The following KRIT1 variants were observed in gnomAD, a reference collection of about 807,000 sequenced individuals.
KRIT1 encodes the protein KRIT1 ankyrin repeat containing.
A neutral mutation model predicts 95.8 loss-of-function variants in KRIT1; 45 were observed. The observed-to-expected ratio is 0.47, with a 90% CI of 0.37 to 0.60. The LOEUF is 0.60. KRIT1 is among the 20% of genes least tolerant of loss of function. KRIT1 has a pLI of 0.00. For synonymous variants in KRIT1, 282 were observed against 278.8 expected (o/e 1.01, Z -0.11); for missense variants, 788 against 877.5 (o/e 0.90, Z 1.29).
At position 92,200,002 on chromosome 7, in the gene KRIT1, AGT is replaced by A. The variant is rs1430864187; in HGVS notation, c.*732_*733del. 2 of 152,538 alleles carry A rather than the reference AGT, an allele frequency of 1.3e-5. No individual in the cohort carries two copies. Among genetic ancestry groups the A allele is most frequent in the African/African-American group, 4.8e-5 (2 of 41,346 alleles). The allele number at this position is 152,538 out of a possible 1,614,324, so 9.4% of individuals were successfully genotyped here. ...ACTGCAGAAAACTGTTTTAAATAAC[AGT>A]GTTATGTGGTTCAAGTAGAAAATAC... On this transcript the variant is annotated 3_prime_UTR_variant, in exon 19 of 19. Transcript: ENST00000394505.
Position 92,237,582 on chromosome 7 carries a change from T to C in KRIT1, c.355+85A>G, listed in dbSNP as rs1192000514. 2.6e-5 allele frequency: 18 copies of C among 689,656 alleles called. No homozygotes were observed. The Admixed American group carries it at 4.1e-4, about 16-fold the overall frequency. 42.7% of individuals were successfully genotyped at this position (689,656 alleles called of 1,614,324 possible). Reference sequence around the variant, plus strand: ...TTTTATAATATTATAGTAGTAACTATGAATGCAAATTCTTAACTTCCTCAA... The same window carrying C: ...TTTTATAATATTATAGTAGTAACTACGAATGCAAATTCTTAACTTCCTCAA... On this transcript the variant is annotated intron_variant, in intron 6 of 18. Transcript: ENST00000394505.
Position 92,222,928 on chromosome 7 carries a change from T to C in KRIT1, c.1305A>G (p.Glu435=). 6.2e-7 allele frequency: 1 copy of C among 1,609,050 alleles called. No individual in the cohort carries two copies. Among genetic ancestry groups the C allele is most frequent in the Non-Finnish European group, 8.5e-7 (1 of 1,175,540 alleles). Residue 435 remains glutamate (E), a synonymous_variant, in exon 13 of 19, where the codon GAA becomes GAG. Transcript: ENST00000394505. ...CTGTGGTATTATTTCCATGCTTCAA[T>C]TCAACAGAACGATATGACCCATCCA... ...YRMDGSYRSV[E]LKHGNNTTVQ...
intron 10 of KRIT1, among the ~76,000 whole-genome samples, chr7:92,233,409 C>CTTT (rs35291071): frequency 1.4e-5 from 2 of 140,180 alleles, no homozygotes; most frequent in Non-Finnish European, 1.5e-5. Context: ...TAATGTGGTA[C>CTTT]TTTTTTTTTT....
Position 92,241,028 on chromosome 7 carries a change from G to C in KRIT1, c.227C>G (p.Thr76Ser). Reference sequence around the variant, plus strand: ...CTGGTTTGCAGGAGAAATTGGTTTGGTGGTTTCTACTACGTAATCCAATAT... The same window carrying C: ...CTGGTTTGCAGGAGAAATTGGTTTGCTGGTTTCTACTACGTAATCCAATAT... ...QGILDYVVET[T>S]KPISPANQGI... is the part of the protein sequence containing the mutation. Residue 76 changes from threonine to serine, a missense_variant, in exon 5 of 19, where the codon ACC becomes AGC. By Grantham distance (58) the Thr-to-Ser change is moderately conservative. Transcript: ENST00000394505. The C allele has an allele frequency of 6.2e-7, 1 of 1,612,962 alleles. No individual in the cohort carries two copies. The highest frequency in any genetic ancestry group is 8.5e-7 in the Non-Finnish European group (1 of 1,179,010).
At chr7:92,211,350 A>G (rs1792777812) in intron 17 of KRIT1, among the ~76,000 whole-genome samples, 1 of 152,350 alleles carries the variant, frequency 6.6e-6, no homozygotes, top group African/African-American at 2.4e-5. Flanking sequence ...ATAAAAAAGA[A>G]TGAAATCTTG....
chr7:92,214,792 T>C lies in KRIT1; in HGVS notation c.1564-15A>G, dbSNP rs1793614897. ...GGGTCTTCAATCTTAAAGGAAAAAG[T>C]ATAATTTGGTTATTAGGCTACAATT... On this transcript the variant is annotated splice_polypyrimidine_tract_variant and intron_variant, in intron 14 of 18. Transcript: ENST00000394505. 1.3e-6 allele frequency: 2 copies of C among 1,550,144 alleles called. No individual in the cohort carries two copies. The highest frequency in any genetic ancestry group is 1.7e-5 in the Admixed American group (1 of 59,802).
At chr7:92,212,975 CTT>C (rs758755971) in intron 17 of KRIT1, among the ~76,000 whole-genome samples, 3 of 152,130 alleles carry the variant, frequency 2.0e-5, no homozygotes, top group African/African-American at 2.4e-5. Flanking sequence ...CAAAAATACT[CTT>C]TATTCTTTTT....
At chr7:92,208,094 G>A (rs1791962033) in intron 17 of KRIT1, among the ~76,000 whole-genome samples, 1 of 151,976 alleles carries the variant, frequency 6.6e-6, no homozygotes, top group Non-Finnish European at 1.5e-5. Context: ...TAAACAACAT[G>A]CTCCTGAATG....
At chr7:92,208,180 A>G (rs1489134600) in intron 17 of KRIT1, among the ~76,000 whole-genome samples, 1 of 152,132 alleles carries the variant, frequency 6.6e-6, no homozygotes, top group Non-Finnish European at 1.5e-5. Flanking sequence ...AACACCATAT[A>G]CCAAAACCTA....
intron 17 of KRIT1, among the ~76,000 whole-genome samples, chr7:92,204,962 T>C (rs1191784473): frequency 3.3e-5 from 5 of 152,212 alleles, no homozygotes; most frequent in Admixed American, 3.3e-4. Flanking sequence ...AAAGTAACTG[T>C]TGCCCTTAAA....
intron 17 of KRIT1, among the ~76,000 whole-genome samples, chr7:92,205,060 T>C (rs952094660): frequency 6.6e-6 from 1 of 152,046 alleles, no homozygotes; most frequent in African/African-American, 2.4e-5. Context: ...TCAAGACACA[T>C]AAAGGGGCGA....
intron 3 of KRIT1, among the ~76,000 whole-genome samples, chr7:92,243,167 CGT>C (rs1010767754): frequency 2.0e-4 from 30 of 152,010 alleles, no homozygotes; most frequent in East Asian, 9.7e-4. Context: ...TGTGTGTGTG[CGT>C]GTGTGTTATG....
rs771656368 is a variant in KRIT1, at chr7:92,241,059, G to A, written c.196C>T (p.Gln66Ter). The A allele has an allele frequency of 6.2e-7, 1 of 1,611,290 alleles. No homozygotes were observed. The highest frequency in any genetic ancestry group is 1.1e-5 in the South Asian group (1 of 91,026). Residue 66 changes from glutamine (Q) to a stop codon, truncating the protein, a stop_gained, in exon 5 of 19, where the codon CAA becomes TAA. Coordinates refer to ENST00000394505, the MANE Select transcript of KRIT1 (RefSeq NM_194454.3). LOFTEE classifies it high-confidence loss of function. Reference sequence around the variant, plus strand: ...TCTACTACGTAATCCAATATGCCTTGTGTTATTTCACTGTTGCCTTGAAGT... The same window carrying A: ...TCTACTACGTAATCCAATATGCCTTATGTTATTTCACTGTTGCCTTGAAGT... Reference protein sequence around the residue: ...TKLQGNSEITQGILDYVVETT... With the variant: ...TKLQGNSEIT
In KRIT1 at chr7:92,234,559, G is replaced by A. The variant is rs750247461; in HGVS notation, c.879C>T (p.His293=). ...ERQWVDDFPL[H]RSACEGDSEL... is the part of the protein sequence containing the mutation. ...CTGAATCTCCTTCACAGGCGCTTCGGTGGAGAGGAAAATCATCTACCCACT... is the reference window on the plus strand; with the variant it reads ...CTGAATCTCCTTCACAGGCGCTTCGATGGAGAGGAAAATCATCTACCCACT... Residue 293 remains histidine, a synonymous_variant, in exon 10 of 19, where the codon CAC becomes CAT. Coordinates refer to ENST00000394505, the MANE Select transcript of KRIT1 (RefSeq NM_194454.3). 6.2e-7 allele frequency: 1 copy of A among 1,613,366 alleles called. No homozygotes were observed. Among genetic ancestry groups the A allele is most frequent in the South Asian group, 1.1e-5 (1 of 91,056 alleles).
At chr7:92,205,363 A>C (rs1330156643) in intron 17 of KRIT1, among the ~76,000 whole-genome samples, 1 of 151,992 alleles carries the variant, frequency 6.6e-6, no homozygotes, top group African/African-American at 2.4e-5. Context: ...ACAACAACAA[A>C]AAAGACACAT....
rs75406109 is a variant in KRIT1, at chr7:92,227,106, C to G, written c.990-424G>C. On this transcript the variant is annotated intron_variant, in intron 10 of 18. Coordinates refer to ENST00000394505, the MANE Select transcript of KRIT1 (RefSeq NM_194454.3). The stretch of plus-strand genomic sequence containing the variant: ...ACAAAATAGGCCCAAAGATGTAATT[C>G]TATACACAGTTGCTATATTAGACAA... 6.2e-3 allele frequency among the ~76,000 whole-genome samples: 939 copies of G among 152,272 alleles called. 36 individuals carry two copies. Among genetic ancestry groups the G allele is most frequent in the Admixed American group, 0.047 (724 of 15,290 alleles).
At chr7:92,201,757 A>G (rs1396630260) in intron 17 of KRIT1, among the ~76,000 whole-genome samples, 1 of 151,536 alleles carries the variant, frequency 6.6e-6, no homozygotes, top group African/African-American at 2.4e-5. Context: ...TCATTGTTCA[A>G]CTCCCACTTA....
At chr7:92,216,591 A>T (rs1794044360) in intron 14 of KRIT1, among the ~76,000 whole-genome samples, 1 of 152,154 alleles carries the variant, frequency 6.6e-6, no homozygotes, top group Admixed American at 6.5e-5. Context: ...AGATGTCCTT[A>T]TTCTTAGAAG....
rs565432832 is a variant in KRIT1, at chr7:92,236,944, T to C, written c.356-402A>G. On this transcript the variant is annotated intron_variant, in intron 6 of 18. Transcript: ENST00000394505. Reference sequence around the variant, plus strand: ...AGGCTGATGGGATGTCCATGGTGGGTGATTAATATAGTATATCATCAGTGT... The same window carrying C: ...AGGCTGATGGGATGTCCATGGTGGGCGATTAATATAGTATATCATCAGTGT... Among the ~76,000 whole-genome samples, 7 of 152,258 alleles carry C rather than the reference T, an allele frequency of 4.6e-5. No individual in the cohort carries two copies. In the South Asian group the frequency reaches 1.4e-3, roughly 32 times the overall value.
Sources: gnomAD v4.1 joint callset for allele counts (sites outside exome capture counted in the v4.1 genomes callset) on GRCh38, gnomAD v4.1.1 for gene constraint, MANE v1.5 for transcripts, NCBI Gene and HGNC (gene_info 2026-07-23, HGNC 2026-07-21) for gene names.